The following RBFOX1 variants were observed in gnomAD, a reference collection of about 807,000 sequenced individuals.
RBFOX1 encodes the protein RNA binding fox-1 homolog 1, also known as RNA binding protein fox-1 homolog 1.
A neutral mutation model predicts 57.7 loss-of-function variants in RBFOX1; 8 were observed. That is an observed-to-expected ratio of 0.14 (90% confidence interval 0.08 to 0.25). The LOEUF is 0.25. RBFOX1 is among the 10% of genes least tolerant of loss of function. The pLI is 1.00. For synonymous variants in RBFOX1, 326 were observed against 222.4 expected, an observed-to-expected ratio of 1.47 and a Z score of -4.15; for missense variants, 611 against 548.5, an observed-to-expected ratio of 1.11 and a Z score of -1.14.
intron 3 of RBFOX1, among the ~76,000 whole-genome samples, chr16:5,670,229 A>G (rs71386420): frequency 0.13 from 19,947 of 152,176 alleles, 1,554 homozygotes; most frequent in East Asian, 0.25. Flanking sequence ...GTTTCCTTGT[A>G]ATGAAAATGT....
At chr16:5,876,749 CG>C in intron 4 of RBFOX1, among the ~76,000 whole-genome samples, 1 of 152,294 alleles carries the variant, frequency 6.6e-6, no homozygotes, top group South Asian at 2.1e-4. Context: ...GATGTGCTCC[CG>C]GGCTCATACT....
At chr16:6,334,205 T>A (rs1199055463) in intron 2 of RBFOX1, among the ~76,000 whole-genome samples, 2 of 152,042 alleles carry the variant, frequency 1.3e-5, no homozygotes, top group East Asian at 1.9e-4. Flanking sequence ...AGAAGTAGTT[T>A]TATTAAAAGT....
rs1388764960 is a variant in RBFOX1, at chr16:7,291,911, T to C, written c.28-226236T>C. ...ATATAATGTACTATATAATGTATTATATATAATATATAATGTATTTTATAT... is the reference window on the plus strand; with the variant it reads ...ATATAATGTACTATATAATGTATTACATATAATATATAATGTATTTTATAT... On this transcript the variant is annotated intron_variant, in intron 4 of 15. Transcript: ENST00000550418. Among the ~76,000 whole-genome samples, 5 of 83,332 alleles carry C rather than the reference T, an allele frequency of 6.0e-5. No homozygotes were observed. In the East Asian group the frequency reaches 1.4e-3, roughly 24 times the overall value. 54.7% of individuals were successfully genotyped at this position (83,332 alleles called of 152,430 possible).
At chr16:5,687,366 TTAG>T (rs1452660597) in intron 3 of RBFOX1, among the ~76,000 whole-genome samples, 2 of 152,110 alleles carry the variant, frequency 1.3e-5, no homozygotes, top group African/African-American at 4.8e-5. Context: ...TCCCCACCAA[TTAG>T]TGGGTAGCCA....
chr16:6,940,845 G>A (rs892159613), intron 3 of RBFOX1, among the ~76,000 whole-genome samples: 1 of 121,818 alleles, frequency 8.2e-6, no homozygotes, highest in African/African-American at 3.1e-5. Context: ...ACCATGTCCG[G>A]CTAGTCTGTG....
chr16:5,632,771 G>A lies in RBFOX1; in HGVS notation c.318+33810G>A, dbSNP rs74909609. 6.9e-3 allele frequency among the ~76,000 whole-genome samples: 1,045 copies of A among 152,146 alleles called. 14 individuals are homozygous for A. The highest frequency in any genetic ancestry group is 0.024 in the African/African-American group (998 of 41,500). On this transcript the variant is annotated intron_variant, in intron 3 of 19. Transcript: ENST00000641259. ...CTGCTGTGATAACACTTTACAAAGT[G>A]GTCATGAATGAGCCTTCCTTCAAAC... is the stretch of plus-strand genomic sequence containing the variant.
chr16:5,509,870 A>G (rs552407392), intron 2 of RBFOX1, among the ~76,000 whole-genome samples: 17 of 152,324 alleles, frequency 1.1e-4, no homozygotes, highest in Admixed American at 1.0e-3. Flanking sequence ...GATGGTGCCC[A>G]AGAACCTTGG....
At chr16:6,910,171 A>G (rs2071187396) in intron 3 of RBFOX1, among the ~76,000 whole-genome samples, 1 of 152,058 alleles carries the variant, frequency 6.6e-6, no homozygotes, top group African/African-American at 2.4e-5. Flanking sequence ...TAGGAAGTAG[A>G]AAAAGCAGAC....
intron 2 of RBFOX1, among the ~76,000 whole-genome samples, chr16:6,539,800 A>AACATAGACACACACACACACACAC (rs2096786540): frequency 1.7e-5 from 1 of 57,552 alleles, no homozygotes; most frequent in Non-Finnish European, 4.5e-5. Context: ...TGCATCTCAA[A>AACATAGACACACACACACACACAC]ACACAGACAC....
intron 4 of RBFOX1, among the ~76,000 whole-genome samples, chr16:5,940,921 G>A (rs1312568258): frequency 1.3e-5 from 2 of 152,124 alleles, no homozygotes; most frequent in African/African-American, 2.4e-5. Context: ...TGATTTTGGA[G>A]TCAGACTGCC....
chr16:5,672,632 C>G (rs978107710), intron 3 of RBFOX1, among the ~76,000 whole-genome samples: 1 of 152,158 alleles, frequency 6.6e-6, no homozygotes, highest in Non-Finnish European at 1.5e-5. Flanking sequence ...AAAGGCAGAG[C>G]AGTGGGAGAT....
At chr16:7,101,934 G>C (rs1359005785) in intron 4 of RBFOX1, among the ~76,000 whole-genome samples, 2 of 152,094 alleles carry the variant, frequency 1.3e-5, no homozygotes, top group Non-Finnish European at 2.9e-5. Flanking sequence ...AGCATAGTTG[G>C]TGCTCCTTTC....
chr16:6,368,052 C>T (rs756863170), intron 2 of RBFOX1, among the ~76,000 whole-genome samples: 4 of 152,186 alleles, frequency 2.6e-5, no homozygotes, highest in Admixed American at 1.3e-4. Flanking sequence ...GTCTTGGTCA[C>T]CCCCTCACAC....
chr16:5,642,255 A>C (rs1490029023), intron 3 of RBFOX1, among the ~76,000 whole-genome samples: 1 of 152,230 alleles, frequency 6.6e-6, no homozygotes, highest in African/African-American at 2.4e-5. Context: ...TTATTTGTGT[A>C]GCTGCTCAAA....
intron 3 of RBFOX1, among the ~76,000 whole-genome samples, chr16:5,770,912 A>C (rs2053956407): frequency 6.6e-6 from 1 of 152,146 alleles, no homozygotes; most frequent in Non-Finnish European, 1.5e-5. Flanking sequence ...CTGGGTAAGC[A>C]AGACAGGCAC....
At chr16:6,805,344 C>T (rs1014035233) in intron 3 of RBFOX1, among the ~76,000 whole-genome samples, 12 of 152,068 alleles carry the variant, frequency 7.9e-5, no homozygotes, top group Admixed American at 4.6e-4. Flanking sequence ...GTGATTTGAA[C>T]ACATGGACAC....
chr16:7,141,601 A>G (rs1202436760), intron 4 of RBFOX1, among the ~76,000 whole-genome samples: 2 of 152,166 alleles, frequency 1.3e-5, no homozygotes, highest in East Asian at 3.9e-4. Flanking sequence ...CAGATGAAAG[A>G]TTGCATGTTC....
intron 4 of RBFOX1, among the ~76,000 whole-genome samples, chr16:7,314,579 G>T (rs946977510): frequency 6.6e-6 from 1 of 152,154 alleles, no homozygotes; most frequent in Non-Finnish European, 1.5e-5. Context: ...GGGCTGATTG[G>T]TTTGTTTCAC....
intron 2 of RBFOX1, among the ~76,000 whole-genome samples, chr16:6,637,140 TATATA>T (rs2098444182): frequency 1.1e-5 from 1 of 94,438 alleles, no homozygotes; most frequent in Non-Finnish European, 1.8e-5. Context: ...ATATATTAAA[TATATA>T]ATATACAATA....
Sources: gnomAD v4.1 joint callset for allele counts (sites outside exome capture counted in the v4.1 genomes callset) on GRCh38, gnomAD v4.1.1 for gene constraint, MANE v1.5 for transcripts, NCBI Gene and HGNC (gene_info 2026-07-23, HGNC 2026-07-21) for gene names.